The following DACH1 variants were observed in gnomAD, a reference collection of about 807,000 sequenced individuals.
The protein encoded by DACH1 is dachshund family transcription factor 1.
A neutral mutation model predicts 54.2 loss-of-function variants in DACH1; 12 were observed. The ratio of observed to expected loss-of-function variants is 0.22; its 90% CI spans 0.14 to 0.36. The LOEUF is 0.36. Ranked by LOEUF, DACH1 falls within the 10% of genes least tolerant of loss-of-function variation. The pLI, the probability that DACH1 is intolerant of heterozygous loss-of-function variation, is 1.00. For synonymous variants in DACH1, 386 were observed against 366.2 expected, an observed-to-expected ratio of 1.05 and a Z score of -0.62; for missense variants, 805 against 929.8, an observed-to-expected ratio of 0.87 and a Z score of 1.75.
At chr13:71,547,174 A>AAGCTC (rs1356043377) in intron 6 of DACH1, among the ~76,000 whole-genome samples, 3 of 152,094 alleles carry the variant, frequency 2.0e-5, no homozygotes, top group African/African-American at 7.2e-5. Flanking sequence ...GAGCTGGAAG[A>AAGCTC]AGCTCTGTTC....
At chr13:71,505,519 C>G (rs546304956) in intron 6 of DACH1, among the ~76,000 whole-genome samples, 1 of 152,010 alleles carries the variant, frequency 6.6e-6, no homozygotes, top group African/African-American at 2.4e-5. Flanking sequence ...TGTGTGTATA[C>G]CTAAATGATT....
intron 2 of DACH1, among the ~76,000 whole-genome samples, chr13:71,674,900 T>A (rs945466398): frequency 3.3e-5 from 5 of 152,108 alleles, no homozygotes; most frequent in African/African-American, 1.2e-4. Context: ...ATGTCTAGTA[T>A]CAAACCTCTC....
intron 1 of DACH1, among the ~76,000 whole-genome samples, chr13:71,694,451 C>G (rs977392829): frequency 5.0e-5 from 2 of 39,876 alleles, no homozygotes; most frequent in East Asian, 5.1e-4. Flanking sequence ...CATTACCTGA[C>G]ATAGATGATA....
intron 1 of DACH1, among the ~76,000 whole-genome samples, chr13:71,732,298 A>G (rs1054036720): frequency 6.6e-6 from 1 of 152,020 alleles, no homozygotes; most frequent in Admixed American, 6.6e-5. Flanking sequence ...AAAAATCACC[A>G]ACTGGGCCAG....
In DACH1 at chr13:71,445,359, C is replaced by T. The variant is rs796366161; in HGVS notation, c.2084-4667G>A. ...TTTACCATGGGTACTATATAAAACA[C>T]GTTTATAAAAATTACATACATTATG... On this transcript the variant is annotated intron_variant, in intron 10 of 10. Coordinates refer to ENST00000613252, the MANE Select transcript of DACH1 (RefSeq NM_080759.6). Among the ~76,000 whole-genome samples, 7 of 151,998 alleles carry T rather than the reference C, an allele frequency of 4.6e-5. 1 individual carries two copies. Among genetic ancestry groups the T allele is most frequent in the African/African-American group, 1.7e-4 (7 of 41,382 alleles).
intron 10 of DACH1, among the ~76,000 whole-genome samples, chr13:71,457,583 T>G (rs1371402925): frequency 1.3e-5 from 2 of 151,990 alleles, no homozygotes; most frequent in East Asian, 1.9e-4. Flanking sequence ...GGTCATTCAT[T>G]TCATACAAGG....
At chr13:71,851,023 G>A (rs893543586) in intron 1 of DACH1, among the ~76,000 whole-genome samples, 2 of 152,268 alleles carry the variant, frequency 1.3e-5, no homozygotes, top group South Asian at 2.1e-4. Context: ...TGATATGTAC[G>A]TCCATGAGTA....
At chr13:71,630,431 C>A in intron 3 of DACH1, 125 bp downstream of exon 3, 1 of 1,400,004 alleles carries the variant, frequency 7.1e-7, no homozygotes, top group Non-Finnish European at 9.3e-7. Context: ...CTCAAACATA[C>A]AGTGTTTTCA....
At chr13:71,640,858 G>A (rs772447412) in intron 2 of DACH1, among the ~76,000 whole-genome samples, 20 of 152,060 alleles carry the variant, frequency 1.3e-4, no homozygotes, top group African/African-American at 2.2e-4. Context: ...TACGATAATC[G>A]TAATTTCCTG....
intron 6 of DACH1, among the ~76,000 whole-genome samples, chr13:71,529,153 C>T (rs1165963586): frequency 6.9e-6 from 1 of 145,822 alleles, no homozygotes; most frequent in Non-Finnish European, 1.5e-5. Flanking sequence ...TGTGATTTCA[C>T]ATAGTACATC....
At chr13:71,690,322 T>C (rs546453121) in intron 1 of DACH1, among the ~76,000 whole-genome samples, 114 of 152,376 alleles carry the variant, frequency 7.5e-4, no homozygotes, top group African/African-American at 2.7e-3. Flanking sequence ...CCAGAGTTAA[T>C]ACCATTTGCA....
chr13:71,864,124 C>T (rs932330466), intron 1 of DACH1, among the ~76,000 whole-genome samples: 1 of 150,418 alleles, frequency 6.6e-6, no homozygotes, highest in Non-Finnish European at 1.5e-5. Context: ...CCGCGACCCC[C>T]ACCACCCCCC....
intron 6 of DACH1, among the ~76,000 whole-genome samples, chr13:71,507,683 A>G (rs1459871038): frequency 6.6e-6 from 1 of 152,178 alleles, no homozygotes; most frequent in African/African-American, 2.4e-5. Context: ...TGGACTGACT[A>G]CCTGGAAGAG....
chr13:71,571,237 C>T (rs960421210), intron 4 of DACH1, among the ~76,000 whole-genome samples: 2 of 151,970 alleles, frequency 1.3e-5, no homozygotes, highest in Non-Finnish European at 1.5e-5. Context: ...ATAATCACAT[C>T]GTATACATTA....
At chr13:71,709,979 C>T (rs774780405) in intron 1 of DACH1, among the ~76,000 whole-genome samples, 9 of 152,114 alleles carry the variant, frequency 5.9e-5, no homozygotes, top group Non-Finnish European at 7.4e-5. Context: ...TCCCTAATAG[C>T]TGAGACTACA....
intron 1 of DACH1, among the ~76,000 whole-genome samples, chr13:71,772,685 CTT>C (rs1266459721): frequency 2.0e-5 from 3 of 151,702 alleles, no homozygotes; most frequent in Non-Finnish European, 3.0e-5. Flanking sequence ...AGTGACATCT[CTT>C]AAACACACCT....
chr13:71,829,398 A>C (rs1888502082), intron 1 of DACH1, among the ~76,000 whole-genome samples: 1 of 151,998 alleles, frequency 6.6e-6, no homozygotes, highest in African/African-American at 2.4e-5. Flanking sequence ...CTTTAGAATA[A>C]GTTTGTCTAA....
intron 1 of DACH1, among the ~76,000 whole-genome samples, chr13:71,795,800 A>C (rs537765419): frequency 6.6e-6 from 1 of 152,330 alleles, no homozygotes; most frequent in East Asian, 1.9e-4. Flanking sequence ...GCACTATAAT[A>C]TCTTCCCTGC....
In DACH1 at chr13:71,824,420, A is replaced by T. The variant is rs113779017; in HGVS notation, c.848+41502T>A. 5.7e-3 allele frequency among the ~76,000 whole-genome samples: 870 copies of T among 152,124 alleles called. 5 individuals are homozygous for T. Among genetic ancestry groups the T allele is most frequent in the African/African-American group, 0.02 (834 of 41,558 alleles). ...TAATACTCTGAAAAAATGCCCCATT[A>T]ATTGCTGAATGTCACATAAACATGA... On this transcript the variant is annotated intron_variant, in intron 1 of 10. Coordinates refer to ENST00000613252, the MANE Select transcript of DACH1 (RefSeq NM_080759.6).
Sources: gnomAD v4.1 joint callset for allele counts (sites outside exome capture counted in the v4.1 genomes callset) on GRCh38, gnomAD v4.1.1 for gene constraint, MANE v1.5 for transcripts, NCBI Gene and HGNC (gene_info 2026-07-23, HGNC 2026-07-21) for gene names.